Variants in PLCZ1 observed in about 807,000 individuals in gnomAD.
The protein encoded by PLCZ1 is phospholipase C zeta 1.
In PLCZ1, 64 loss-of-function variants were observed where a neutral mutation model predicts 76.8. The observed-to-expected ratio is 0.83, with a 90% CI of 0.68 to 1.03. PLCZ1 has a LOEUF of 1.03. Ranked by LOEUF, PLCZ1 falls within the 50% of genes least tolerant of loss-of-function variation. The probability of loss-of-function intolerance (pLI) is 0.00; values close to 1 mark genes in which losing one functional copy is unlikely to be tolerated. For synonymous variants in PLCZ1, 248 were observed against 230.8 expected, an observed-to-expected ratio of 1.07 and a Z score of -0.68; for missense variants, 751 against 713.7, an observed-to-expected ratio of 1.05 and a Z score of -0.60.
intron 9 of PLCZ1, among the ~76,000 whole-genome samples, chr12:18,700,505 C>G (rs1055468119): frequency 1.4e-3 from 38 of 26,382 alleles, no homozygotes; most frequent in African/African-American, 3.2e-3. Context: ...AGATCAGAGC[C>G]AACGTACAAA....
At chr12:18,695,756 T>C (rs1954881917) in intron 11 of PLCZ1, among the ~76,000 whole-genome samples, 1 of 152,146 alleles carries the variant, frequency 6.6e-6, no homozygotes, top group Admixed American at 6.6e-5. Context: ...TTATTCACTT[T>C]TCAAAACTAT....
the PLCZ1 span, among the ~76,000 whole-genome samples, chr12:18,660,822 A>T: frequency 6.6e-6 from 1 of 152,144 alleles, no homozygotes; most frequent in Non-Finnish European, 1.5e-5. Context: ...ACCAACAGAA[A>T]CTGTCCTTCA....
intron 6 of PLCZ1, among the ~76,000 whole-genome samples, chr12:18,708,908 A>G (rs1278654878): frequency 6.6e-6 from 1 of 151,712 alleles, no homozygotes; most frequent in Non-Finnish European, 1.5e-5. Context: ...TTTGGATATT[A>G]CTCCCTTATC....
intron 3 of PLCZ1, among the ~76,000 whole-genome samples, chr12:18,733,536 C>A (rs1042427722): frequency 1.3e-5 from 2 of 152,110 alleles, no homozygotes; most frequent in Middle Eastern, 3.2e-3. Flanking sequence ...CTAAGAAATT[C>A]TTGCCAAGCC....
At chr12:18,648,159 T>A in the PLCZ1 span, 1 of 431,512 alleles carries the variant, frequency 2.3e-6, no homozygotes, top group Non-Finnish European at 4.0e-6. Context: ...AGAAAAAAAA[T>A]CAGAATTAGT....
chr12:18,675,789 T>G, the PLCZ1 span, among the ~76,000 whole-genome samples: 1 of 152,050 alleles, frequency 6.6e-6, no homozygotes, highest in Non-Finnish European at 1.5e-5. Context: ...ATACCACATG[T>G]TCTCACTTAT....
downstream of PLCZ1, among the ~76,000 whole-genome samples, chr12:18,678,611 C>A (rs1487701193): frequency 2.6e-5 from 4 of 152,048 alleles, no homozygotes; most frequent in Non-Finnish European, 5.9e-5. Context: ...CAGTACATAA[C>A]TACCTTTTGC....
Position 18,731,736 on chromosome 12 carries a change from T to C in PLCZ1, c.135+4485A>G, listed in dbSNP as rs115578028. 2.6e-3 allele frequency among the ~76,000 whole-genome samples: 390 copies of C among 152,056 alleles called. 3 individuals carry two copies. Among genetic ancestry groups the C allele is most frequent in the African/African-American group, 9.1e-3 (377 of 41,480 alleles). ...CAAAATCATACGCAGGATTTTAAGG[T>C]TCCTATTGATCTGGATTGGCCAGTG... On this transcript the variant is annotated intron_variant, in intron 3 of 14. Transcript: ENST00000266505.
At chr12:18,676,889 A>G in the PLCZ1 span, among the ~76,000 whole-genome samples, 20 of 152,278 alleles carry the variant, frequency 1.3e-4, no homozygotes, top group East Asian at 3.7e-3. Context: ...AGGAAGATCT[A>G]TGCATTCCTC....
At chr12:18,688,533 T>A (rs1053111551) in intron 12 of PLCZ1, among the ~76,000 whole-genome samples, 2 of 151,650 alleles carry the variant, frequency 1.3e-5, no homozygotes, top group East Asian at 1.9e-4. Context: ...GTTACTCTGA[T>A]AACGTACTGT....
chr12:18,733,838 C>A (rs1345200423), intron 3 of PLCZ1, among the ~76,000 whole-genome samples: 1 of 152,044 alleles, frequency 6.6e-6, no homozygotes, highest in Non-Finnish European at 1.5e-5. Flanking sequence ...TGTTTTTATG[C>A]CCCTACCATA....
chr12:18,695,155 T>C lies in PLCZ1; in HGVS notation c.1292-76A>G, dbSNP rs1308868170. The C allele has an allele frequency of 8.0e-6, 11 of 1,381,528 alleles. No individual in the cohort carries two copies. In the Middle Eastern group the frequency reaches 5.9e-4, roughly 74 times the overall value. The allele number at this position is 1,381,528 out of a possible 1,614,324, so 85.6% of individuals were successfully genotyped here. A position where few individuals can be genotyped will look rare whatever the true frequency, so the allele number is the denominator to read the frequency against. ...AAGGAACACAAACCACTTACTGAAA[T>C]CTAATAATGGATTCTATGTCCCCAA... On this transcript the variant is annotated intron_variant, in intron 11 of 14. Coordinates refer to ENST00000266505, the MANE Select transcript of PLCZ1 (RefSeq NM_033123.4).
At chr12:18,687,373 C>T (rs1005890716) in intron 13 of PLCZ1, among the ~76,000 whole-genome samples, 1 of 152,140 alleles carries the variant, frequency 6.6e-6, no homozygotes, top group African/African-American at 2.4e-5. Flanking sequence ...GAGAATATCC[C>T]TTGAAGAAGA....
chr12:18,650,696 GTGTGTGTGTATA>G, the PLCZ1 span, among the ~76,000 whole-genome samples: 1 of 43,704 alleles, frequency 2.3e-5, no homozygotes, highest in African/African-American at 1.4e-4. Context: ...GTGTGTGTGT[GTGTGTGTGTATA>G]TATCTATATA....
chr12:18,652,107 C>A, the PLCZ1 span, among the ~76,000 whole-genome samples: 1 of 151,914 alleles, frequency 6.6e-6, no homozygotes, highest in Admixed American at 6.6e-5. Context: ...CATGTACTCC[C>A]CAAAATTGAT....
At chr12:18,669,091 G>C in the PLCZ1 span, among the ~76,000 whole-genome samples, 60 of 152,270 alleles carry the variant, frequency 3.9e-4, no homozygotes, top group Non-Finnish European at 7.1e-4. Context: ...TCATGGTACT[G>C]TTCCAAATTC....
At chr12:18,659,800 A>G in the PLCZ1 span, among the ~76,000 whole-genome samples, 1 of 151,704 alleles carries the variant, frequency 6.6e-6, no homozygotes, top group Admixed American at 6.6e-5. Flanking sequence ...CATTATGTAT[A>G]TCACCTAATG....
Position 18,701,729 on chromosome 12 carries a change from T to G in PLCZ1, c.912A>C (p.Leu304Phe), listed in dbSNP as rs748693932. ...AACCTTTTCTTTCATGGGTTTCCTT[T>G]AAGGTTCCTATTTTCTTATTTTTAA... Reference protein sequence around the residue: ...ILVKNKKIGTLKETHERKGSD... With the variant: ...ILVKNKKIGTFKETHERKGSD... Residue 304 changes from leucine to phenylalanine, a missense_variant, in exon 8 of 15, where the codon TTA becomes TTC. Transcript: ENST00000266505. The G allele has an allele frequency of 5.0e-6, 8 of 1,612,826 alleles. No individual in the cohort carries two copies. The highest frequency in any genetic ancestry group is 6.8e-6 in the Non-Finnish European group (8 of 1,179,592).
chr12:18,701,814 CA>C, intron 7 of PLCZ1, 38 bp from the exon 8 acceptor site: 1 of 1,567,266 alleles, frequency 6.4e-7, no homozygotes, highest in East Asian at 2.4e-5. Flanking sequence ...TACACATTTA[CA>C]AGTAAATTTG....
Sources: gnomAD v4.1 joint callset for allele counts (sites outside exome capture counted in the v4.1 genomes callset) on GRCh38, gnomAD v4.1.1 for gene constraint, MANE v1.5 for transcripts, NCBI Gene and HGNC (gene_info 2026-07-23, HGNC 2026-07-21) for gene names.